Variants in KCNIP4 observed in about 807,000 individuals in gnomAD.
KCNIP4 encodes the protein potassium voltage-gated channel interacting protein 4, also known as Kv channel-interacting protein 4.
In KCNIP4, 12 loss-of-function variants were observed where a neutral mutation model predicts 34.0. The observed-to-expected ratio is 0.35, with a 90% CI of 0.23 to 0.57. The LOEUF is 0.57. Ranked by LOEUF, KCNIP4 falls within the 20% of genes least tolerant of loss-of-function variation. The pLI is 0.83. For missense variants in KCNIP4, 238 were observed against 311.7 expected (o/e 0.76, Z 1.78); for synonymous variants, 124 against 102.2 (o/e 1.21, Z -1.29).
At chr4:20,959,986 T>C (rs560765329) in intron 1 of KCNIP4, among the ~76,000 whole-genome samples, 7 of 152,338 alleles carry the variant, frequency 4.6e-5, no homozygotes, top group Admixed American at 3.3e-4. Flanking sequence ...ATTATTTCAT[T>C]TTTAATATCA....
intron 1 of KCNIP4, among the ~76,000 whole-genome samples, chr4:21,443,552 C>A (rs1241960443): frequency 2.0e-5 from 3 of 152,130 alleles, no homozygotes; most frequent in African/African-American, 7.2e-5. Context: ...GCCTTAAGAG[C>A]AATGACAAAG....
At chr4:20,979,650 G>A (rs559367196) in intron 1 of KCNIP4, among the ~76,000 whole-genome samples, 62 of 151,796 alleles carry the variant, frequency 4.1e-4, no homozygotes, top group African/African-American at 1.3e-3. Context: ...CACCCGCCTC[G>A]GCCTCCCAAA....
At chr4:21,398,911 C>T (rs1018294457) in intron 1 of KCNIP4, among the ~76,000 whole-genome samples, 11 of 152,110 alleles carry the variant, frequency 7.2e-5, no homozygotes, top group Middle Eastern at 3.2e-3. Context: ...CAAATTAAAG[C>T]AAGTTGACTG....
chr4:21,223,688 ACAGT>A (rs1228289086), intron 1 of KCNIP4, among the ~76,000 whole-genome samples: 1 of 152,224 alleles, frequency 6.6e-6, no homozygotes, highest in Non-Finnish European at 1.5e-5. Context: ...AAACAAAATG[ACAGT>A]CAGTTACTCC....
chr4:21,675,616 C>T (rs903749741), intron 1 of KCNIP4, among the ~76,000 whole-genome samples: 7 of 151,964 alleles, frequency 4.6e-5, no homozygotes, highest in African/African-American at 1.4e-4. Flanking sequence ...AAAAGAAACA[C>T]CATCAAAAAA....
chr4:20,952,785 A>C (rs1248102154), intron 1 of KCNIP4, among the ~76,000 whole-genome samples: 1 of 54,152 alleles, frequency 1.8e-5, no homozygotes, highest in Non-Finnish European at 4.3e-5. Flanking sequence ...GCTATAATAA[A>C]ATATTTTTTT....
intron 1 of KCNIP4, among the ~76,000 whole-genome samples, chr4:21,353,268 A>G (rs1209687607): frequency 6.6e-6 from 1 of 152,156 alleles, no homozygotes; most frequent in African/African-American, 2.4e-5. Flanking sequence ...CCTCACCTGT[A>G]ATGGAACAAT....
intron 1 of KCNIP4, among the ~76,000 whole-genome samples, chr4:21,945,790 T>G (rs928913613): frequency 6.6e-6 from 1 of 151,930 alleles, no homozygotes; most frequent in Non-Finnish European, 1.5e-5. Context: ...TCTGATTTTA[T>G]AGCAGGAGTG....
intron 1 of KCNIP4, among the ~76,000 whole-genome samples, chr4:21,598,604 C>A (rs1392454293): frequency 6.6e-6 from 1 of 152,048 alleles, no homozygotes; most frequent in African/African-American, 2.4e-5. Context: ...CTCATTAATC[C>A]CTCACAGAGC....
At chr4:21,620,022 T>C (rs958546172) in intron 1 of KCNIP4, among the ~76,000 whole-genome samples, 6 of 152,176 alleles carry the variant, frequency 3.9e-5, no homozygotes, top group African/African-American at 1.4e-4. Context: ...GTACTCAATG[T>C]TTTGTGGAAG....
chr4:21,279,192 G>A lies in KCNIP4; in HGVS notation c.62-396483C>T, dbSNP rs558316857. The stretch of plus-strand genomic sequence containing the variant: ...CCACAACTACTTATTTTGCATCAAC[G>A]TAATGGTAGAACAAACAGTCAAAAG... On this transcript the variant is annotated intron_variant, in intron 1 of 8. Coordinates refer to ENST00000382152, the MANE Select transcript of KCNIP4 (RefSeq NM_025221.6). 1.2e-3 allele frequency among the ~76,000 whole-genome samples: 184 copies of A among 152,228 alleles called. 1 individual carries two copies. Among genetic ancestry groups the A allele is most frequent in the Non-Finnish European group, 1.8e-3 (122 of 68,000 alleles).
At chr4:20,950,115 A>C (rs1732621300) in intron 1 of KCNIP4, among the ~76,000 whole-genome samples, 1 of 133,356 alleles carries the variant, frequency 7.5e-6, no homozygotes, top group South Asian at 2.4e-4. Flanking sequence ...CAGAGAAATA[A>C]AAATATTTTT....
chr4:21,553,823 T>C (rs1263217377), intron 1 of KCNIP4, among the ~76,000 whole-genome samples: 1 of 152,134 alleles, frequency 6.6e-6, no homozygotes, highest in East Asian at 1.9e-4. Flanking sequence ...CCTTCTTTAA[T>C]GGAGACACTG....
intron 1 of KCNIP4, among the ~76,000 whole-genome samples, chr4:21,422,931 C>G (rs1725607874): frequency 6.6e-6 from 1 of 152,150 alleles, no homozygotes; most frequent in Admixed American, 6.5e-5. Context: ...GAAGAAGTCA[C>G]AGAATGCAGG....
At chr4:20,914,673 T>C (rs970220427) in intron 1 of KCNIP4, among the ~76,000 whole-genome samples, 1 of 152,202 alleles carries the variant, frequency 6.6e-6, no homozygotes, top group African/African-American at 2.4e-5. Flanking sequence ...TGTTTTTGAA[T>C]GGCTGGTCCC....
intron 1 of KCNIP4, among the ~76,000 whole-genome samples, chr4:21,786,051 C>T (rs1439052316): frequency 3.3e-5 from 5 of 152,204 alleles, no homozygotes; most frequent in Non-Finnish European, 5.9e-5. Flanking sequence ...CGATTTCAAG[C>T]GATTCCCCTG....
At chr4:21,499,550 A>G (rs1320144129) in intron 1 of KCNIP4, among the ~76,000 whole-genome samples, 1 of 151,300 alleles carries the variant, frequency 6.6e-6, no homozygotes, top group African/African-American at 2.5e-5. Flanking sequence ...AAAAACTGGA[A>G]TAAAATACTT....
At chr4:21,090,980 T>C (rs1033036825) in intron 1 of KCNIP4, among the ~76,000 whole-genome samples, 3 of 152,206 alleles carry the variant, frequency 2.0e-5, no homozygotes, top group Non-Finnish European at 4.4e-5. Flanking sequence ...TTTTGACATA[T>C]GAAATTGTGT....
intron 1 of KCNIP4, among the ~76,000 whole-genome samples, chr4:20,884,961 A>G (rs963829794): frequency 6.6e-6 from 1 of 152,058 alleles, no homozygotes; most frequent in Admixed American, 6.5e-5. Context: ...TTGGCCTGCC[A>G]AAGTGCCAGG....
Sources: allele counts gnomAD v4.1 joint callset (sites outside exome capture counted in the v4.1 genomes callset), GRCh38; gene constraint gnomAD v4.1.1; transcripts MANE v1.5; gene names NCBI Gene and HGNC (gene_info 2026-07-23, HGNC 2026-07-21).